The following DCAF1 variants were observed in gnomAD, a reference collection of about 807,000 sequenced individuals.
DCAF1 encodes DDB1 and CUL4 associated factor 1.
DCAF1 carries 15 observed loss-of-function variants against 128.0 expected under a neutral mutation model. The ratio of observed to expected loss-of-function variants is 0.12; its 90% CI spans 0.08 to 0.18. DCAF1 has a LOEUF of 0.18. Among genes scored for constraint, DCAF1 ranks in the 10% least tolerant of loss-of-function variants. The pLI is 1.00. For missense variants in DCAF1, 988 were observed against 1,649.5 expected (o/e 0.60, Z 6.95); for synonymous variants, 610 against 603.0 (o/e 1.01, Z -0.17).
chr3:51,464,511 C>T (rs907778957), intron 5 of DCAF1, among the ~76,000 whole-genome samples: 35 of 151,526 alleles, frequency 2.3e-4, no homozygotes, highest in African/African-American at 6.8e-4. Context: ...CCTGGGCAAC[C>T]CAGTGAAATC....
intron 23 of DCAF1, among the ~76,000 whole-genome samples, chr3:51,410,092 G>A (rs1256316671): frequency 6.6e-6 from 1 of 152,164 alleles, no homozygotes; most frequent in Non-Finnish European, 1.5e-5. Context: ...AAGCAGTAAA[G>A]GAAAGCCTTT....
At chr3:51,447,149 G>A (rs1221691787) in intron 6 of DCAF1, among the ~76,000 whole-genome samples, 2 of 151,960 alleles carry the variant, frequency 1.3e-5, no homozygotes, top group African/African-American at 4.8e-5. Flanking sequence ...GCTCATGCCT[G>A]TAATCCTAGC....
intron 3 of DCAF1, among the ~76,000 whole-genome samples, chr3:51,480,456 G>A (rs1553652364): frequency 1.2e-4 from 18 of 151,892 alleles, no homozygotes; most frequent in South Asian, 2.1e-4. Flanking sequence ...TAAGCTGGGC[G>A]TGCGTGGTGG....
chr3:51,424,268 T>C (rs921606694), intron 13 of DCAF1, among the ~76,000 whole-genome samples: 4 of 151,764 alleles, frequency 2.6e-5, no homozygotes, highest in Admixed American at 6.6e-5. Context: ...GGCATGGTAG[T>C]GGGCGCCTGT....
At chr3:51,438,353 T>C (rs1701046034) in intron 9 of DCAF1, among the ~76,000 whole-genome samples, 1 of 152,184 alleles carries the variant, frequency 6.6e-6, no homozygotes, top group Admixed American at 6.5e-5. Context: ...TGCAAAGATG[T>C]TCACTGTAAC....
At chr3:51,428,783 C>T (rs1234742370) in intron 12 of DCAF1, among the ~76,000 whole-genome samples, 1 of 151,832 alleles carries the variant, frequency 6.6e-6, no homozygotes, top group Non-Finnish European at 1.5e-5. Flanking sequence ...TGCTTGAGTC[C>T]AGGAGTTCCA....
chr3:51,481,380 C>G (rs180728925), intron 3 of DCAF1, among the ~76,000 whole-genome samples: 1 of 152,206 alleles, frequency 6.6e-6, no homozygotes, highest in African/African-American at 2.4e-5. Flanking sequence ...GCTTAATGGG[C>G]CAGTCAAGAC....
intron 3 of DCAF1, among the ~76,000 whole-genome samples, chr3:51,471,499 T>G (rs185632536): frequency 2.0e-5 from 3 of 152,076 alleles, no homozygotes; most frequent in African/African-American, 7.2e-5. Flanking sequence ...CTCATTCTTA[T>G]ATAAACTTTC....
At chr3:51,413,203 G>C (rs1428705537) in intron 21 of DCAF1, 79 bp downstream of exon 21, 8 of 1,547,848 alleles carry the variant, frequency 5.2e-6, no homozygotes, top group Middle Eastern at 1.7e-4. Context: ...AAAATTACAG[G>C]CCTCCAGAAA....
chr3:51,487,740 T>C (rs1281464078), intron 2 of DCAF1, among the ~76,000 whole-genome samples: 1 of 151,990 alleles, frequency 6.6e-6, no homozygotes, highest in African/African-American at 2.4e-5. Flanking sequence ...GTCCCCCTCC[T>C]ATGTTGCCTA....
At chr3:51,466,681 CA>C in intron 5 of DCAF1, 121 bp downstream of exon 5, 3 of 918,004 alleles carry the variant, frequency 3.3e-6, no homozygotes, top group South Asian at 1.7e-5. Context: ...AGGACTTTGG[CA>C]AAAAACTCTA....
At position 51,430,418 on chromosome 3, in the gene DCAF1, T is replaced by A. The variant is rs1700264196; in HGVS notation, c.1288-206A>T. Among the ~76,000 whole-genome samples, 2 of 152,322 alleles carry A rather than the reference T, an allele frequency of 1.3e-5. 1 individual carries two copies. Among genetic ancestry groups the A allele is most frequent in the Non-Finnish European group, 2.9e-5 (2 of 68,030 alleles). On this transcript the variant is annotated intron_variant, in intron 10 of 24. Transcript: ENST00000684031. ...AACCTGAAAACGACCTAAATTTAGA[T>A]AAATATTTAAATACAACCTATACTT... is the stretch of plus-strand genomic sequence containing the variant.
At chr3:51,401,374 G>C (rs1471392794) in intron 24 of DCAF1, among the ~76,000 whole-genome samples, 1 of 152,152 alleles carries the variant, frequency 6.6e-6, no homozygotes, top group Admixed American at 6.5e-5. Context: ...CAAAACCATG[G>C]GTGCTAAGAA....
intron 4 of DCAF1, among the ~76,000 whole-genome samples, chr3:51,470,728 A>G (rs891814182): frequency 8.5e-5 from 13 of 152,068 alleles, no homozygotes. Flanking sequence ...CCAGAAATTT[A>G]TTTTTCCTCA....
intron 2 of DCAF1, among the ~76,000 whole-genome samples, chr3:51,485,425 A>G (rs1706816710): frequency 6.6e-6 from 1 of 152,212 alleles, no homozygotes. Flanking sequence ...CAGGGAGCTG[A>G]GGTGAGCTTT....
At chr3:51,419,029 A>G (rs541973180) in intron 15 of DCAF1, among the ~76,000 whole-genome samples, 153 bp from the exon 16 acceptor site, 2 of 152,304 alleles carry the variant, frequency 1.3e-5, no homozygotes, top group South Asian at 4.1e-4. Context: ...ATTTTAAATA[A>G]GAAAAAGATT....
At chr3:51,408,933 A>G (rs1698149807) in intron 23 of DCAF1, among the ~76,000 whole-genome samples, 1 of 152,184 alleles carries the variant, frequency 6.6e-6, no homozygotes, top group Admixed American at 6.5e-5. Context: ...CATGTTGCAC[A>G]CCTACCCTGC....
chr3:51,421,799 TTA>T (rs1345807195), intron 14 of DCAF1, among the ~76,000 whole-genome samples: 1 of 152,206 alleles, frequency 6.6e-6, no homozygotes, highest in Non-Finnish European at 1.5e-5. Context: ...TTTCCTTTTT[TTA>T]TATATGTATG....
rs550929533 is a variant in DCAF1 at position 51,460,663 on chromosome 3, C to A, written c.375+2451G>T. Among the ~76,000 whole-genome samples the A allele has an allele frequency of 7.9e-5, 12 of 152,236 alleles. No homozygotes were observed. In the East Asian group the frequency reaches 2.3e-3, roughly 29 times the overall value. ...TCACGCTACCTGACTTCAAACTATA[C>A]TACAAGGCTACAGTAACCAAAACAG... On this transcript the variant is annotated intron_variant, in intron 6 of 24. Transcript: ENST00000684031.
Sources: allele counts gnomAD v4.1 joint callset (sites outside exome capture counted in the v4.1 genomes callset), GRCh38; gene constraint gnomAD v4.1.1; transcripts MANE v1.5; gene names NCBI Gene and HGNC (gene_info 2026-07-23, HGNC 2026-07-21).